Variants in NDUFAF1 observed in about 807,000 individuals in gnomAD.
The protein encoded by NDUFAF1 is complex I intermediate-associated protein 30, mitochondrial.
Under a neutral mutation model 28.7 loss-of-function variants are expected in NDUFAF1, and 18 were observed. The ratio of observed to expected loss-of-function variants is 0.63; its 90% CI spans 0.43 to 0.93. The LOEUF (loss-of-function observed/expected upper bound fraction) is 0.93. NDUFAF1 is among the 40% of genes least tolerant of loss of function. The pLI, the probability that NDUFAF1 is intolerant of heterozygous loss-of-function variation, is 0.00. For missense variants in NDUFAF1, 404 were observed against 398.3 expected (o/e 1.01, Z -0.12); for synonymous variants, 113 against 139.7 (o/e 0.81, Z 1.35).
chr15:41,393,142 T>G (rs2050335243), intron 3 of NDUFAF1, among the ~76,000 whole-genome samples: 1 of 140,148 alleles, frequency 7.1e-6, no homozygotes, highest in Non-Finnish European at 1.5e-5. Flanking sequence ...TTTTTTTTTT[T>G]GAGACGGAGT....
chr15:41,398,684 G>A (rs750731900), intron 1 of NDUFAF1, among the ~76,000 whole-genome samples: 6 of 152,078 alleles, frequency 3.9e-5, no homozygotes, highest in East Asian at 1.9e-4. Flanking sequence ...GCCGGGTGCC[G>A]TGCATCACAC....
At chr15:41,399,492 G>C (rs2050432906) in intron 1 of NDUFAF1, among the ~76,000 whole-genome samples, 1 of 151,240 alleles carries the variant, frequency 6.6e-6, no homozygotes, top group Non-Finnish European at 1.5e-5. Context: ...GGGAGGCAGA[G>C]GCTGCAATGA....
At chr15:41,389,123 C>G (rs2050287928) in intron 3 of NDUFAF1, among the ~76,000 whole-genome samples, 1 of 151,982 alleles carries the variant, frequency 6.6e-6, no homozygotes, top group Non-Finnish European at 1.5e-5. Flanking sequence ...CACTCTGTTA[C>G]CCAGGCTGGA....
intron 1 of NDUFAF1, among the ~76,000 whole-genome samples, chr15:41,401,466 G>A (rs2050462749): frequency 6.7e-6 from 1 of 148,320 alleles, no homozygotes; most frequent in African/African-American, 2.5e-5. Flanking sequence ...ACAGAGTCCA[G>A]CTCTGTCCCC....
At chr15:41,395,525 A>G (rs942169316) in intron 2 of NDUFAF1, among the ~76,000 whole-genome samples, 3 of 150,186 alleles carry the variant, frequency 2.0e-5, no homozygotes. Context: ...GCCCAAAACC[A>G]CACCCGGCTA....
intron 3 of NDUFAF1, chr15:41,394,120 C>T: frequency 2.5e-6 from 1 of 392,802 alleles, no homozygotes; most frequent in Non-Finnish European, 5.2e-6. Context: ...CCTCCGCCTC[C>T]TGGGTTCAAG....
intron 3 of NDUFAF1, among the ~76,000 whole-genome samples, chr15:41,391,984 A>C (rs1295449802): frequency 6.6e-6 from 1 of 151,714 alleles, no homozygotes; most frequent in Non-Finnish European, 1.5e-5. Context: ...TGGAAGATGA[A>C]GACAGGAGGA....
Position 41,387,422 on chromosome 15 carries a change from A to G in NDUFAF1, c.*22T>C. On this transcript the variant is annotated 3_prime_UTR_variant, in exon 5 of 5. Transcript: ENST00000260361. ...AGATGCTAGTACCCTTAGATTAGTA[A>G]AACAAAACTACCATATGATCTTTAT... 1 of 1,610,464 alleles carries G rather than the reference A, an allele frequency of 6.2e-7. No homozygotes were observed. The highest frequency in any genetic ancestry group is 8.5e-7 in the Non-Finnish European group (1 of 1,176,746).
chr15:41,388,756 CTT>C (rs933548216), intron 3 of NDUFAF1, among the ~76,000 whole-genome samples: 1 of 141,466 alleles, frequency 7.1e-6, no homozygotes, highest in African/African-American at 2.6e-5. Flanking sequence ...CTAAACACAG[CTT>C]TTTTTTTTTT....
Position 41,390,780 on chromosome 15 carries a change from C to A in NDUFAF1, c.760-2258G>T, listed in dbSNP as rs2050307252. ...GGGTATGGTGGCTCATGCCTGTAAT[C>A]CCAGCACTTTGGGAGGCCGAGGTGG... On this transcript the variant is annotated intron_variant, in intron 3 of 4. Coordinates refer to ENST00000260361, the MANE Select transcript of NDUFAF1 (RefSeq NM_016013.4). 2.0e-5 allele frequency among the ~76,000 whole-genome samples: 3 copies of A among 151,730 alleles called. 1 individual carries two copies. The South Asian group carries it at 6.2e-4, about 32-fold the overall frequency.
chr15:41,396,538 G>C lies in NDUFAF1; in HGVS notation c.522C>G (p.Asp174Glu), dbSNP rs373384879. ...AGTACCCACTTCGGGTAGACTCCCC[G>C]TCCTGAGGCGCCTCAGAGCTCAGAG... ...YGTLSSEAPQ[D>E]GESTRSGYCA... is the part of the protein sequence containing the mutation. The change falls in exon 2 of 5, where the codon GAC (aspartate) becomes GAG (glutamate). Residue 174 changes from aspartate (D) to glutamate (E), a missense_variant. Physicochemically the swap from Asp to Glu is conservative, Grantham distance 45 (BLOSUM62 2). Coordinates refer to ENST00000260361, the MANE Select transcript of NDUFAF1 (RefSeq NM_016013.4). The C allele has an allele frequency of 3.1e-6, 5 of 1,613,944 alleles. No individual in the cohort carries two copies. Among genetic ancestry groups the C allele is most frequent in the Middle Eastern group, 1.6e-4 (1 of 6,084 alleles).
chr15:41,389,717 G>A (rs1306244109), intron 3 of NDUFAF1, among the ~76,000 whole-genome samples: 1 of 152,068 alleles, frequency 6.6e-6, no homozygotes, highest in African/African-American at 2.4e-5. Context: ...GGGCTACAGC[G>A]AGCCCATGCT....
upstream of NDUFAF1, chr15:41,402,661 A>G: frequency 5.6e-6 from 1 of 177,436 alleles, no homozygotes; most frequent in Non-Finnish European, 1.2e-5. Context: ...GGAAGCAGTG[A>G]GAATTCAGAT....
At chr15:41,401,241 T>C (rs1280946524) in intron 1 of NDUFAF1, among the ~76,000 whole-genome samples, 2 of 150,838 alleles carry the variant, frequency 1.3e-5, no homozygotes, top group Non-Finnish European at 2.9e-5. Flanking sequence ...GTACTGGGAT[T>C]ACAGGCGTCA....
chr15:41,395,934 A>C (rs1479725325), intron 2 of NDUFAF1, among the ~76,000 whole-genome samples: 1 of 151,744 alleles, frequency 6.6e-6, no homozygotes, highest in East Asian at 2.0e-4. Context: ...CTAAAAATAC[A>C]AAAATTAGCT....
At chr15:41,395,081 C>A (rs2050367704) in intron 2 of NDUFAF1, 37 bp from the exon 3 acceptor site, 1 of 1,590,720 alleles carries the variant, frequency 6.3e-7, no homozygotes, top group Admixed American at 1.7e-5. Flanking sequence ...GTACCTCATT[C>A]TCCATTATTA....
intron 1 of NDUFAF1, among the ~76,000 whole-genome samples, chr15:41,400,975 T>A (rs959709554): frequency 1.9e-4 from 29 of 151,044 alleles, no homozygotes; most frequent in African/African-American, 6.1e-4. Flanking sequence ...ATCAATACTT[T>A]TTTTTTTTTT....
chr15:41,402,282 T>G lies in NDUFAF1; in HGVS notation c.-220A>C, dbSNP rs916356188. 2.2e-6 allele frequency: 1 copy of G among 453,922 alleles called. No individual in the cohort carries two copies. The highest frequency in any genetic ancestry group is 2.0e-5 in the African/African-American group (1 of 49,978). 28.1% of individuals were successfully genotyped at this position (453,922 alleles called of 1,614,324 possible). On this transcript the variant is annotated 5_prime_UTR_variant, in exon 1 of 5. Coordinates refer to ENST00000260361, the MANE Select transcript of NDUFAF1 (RefSeq NM_016013.4). Reference sequence around the variant, plus strand: ...TACCCGAGGTCACACAGGTAGTGAGTGGCAAAATTCTTCCGCCTTGGCGTA... The same window carrying G: ...TACCCGAGGTCACACAGGTAGTGAGGGGCAAAATTCTTCCGCCTTGGCGTA...
rs780496237 is a variant in NDUFAF1, at chr15:41,396,835, C to A, written c.225G>T (p.Glu75Asp). The change falls in exon 2 of 5, where the codon GAG (glutamate) becomes GAT (aspartate). Residue 75 changes from glutamate (E) to aspartate (D), a missense_variant. Glu to Asp is a conservative substitution (Grantham distance 45). Coordinates refer to ENST00000260361, the MANE Select transcript of NDUFAF1 (RefSeq NM_016013.4). ...KEVALDITSS[E>D]EKPDVSFDKA... ...TATCGAAACTAACATCAGGCTTCTCCTCAGAAGAAGTTATATCCAAAGCAA... is the reference window on the plus strand; with the variant it reads ...TATCGAAACTAACATCAGGCTTCTCATCAGAAGAAGTTATATCCAAAGCAA... 10 of 1,614,138 alleles carry A rather than the reference C, an allele frequency of 6.2e-6. No homozygotes were observed. Among genetic ancestry groups the A allele is most frequent in the East Asian group, 2.2e-5 (1 of 44,874 alleles).
Sources: gnomAD v4.1 joint callset for allele counts (sites outside exome capture counted in the v4.1 genomes callset) on GRCh38, gnomAD v4.1.1 for gene constraint, MANE v1.5 for transcripts, NCBI Gene and HGNC (gene_info 2026-07-23, HGNC 2026-07-21) for gene names.